The following ITIH5 variants were observed in gnomAD, a reference collection of about 807,000 sequenced individuals.
ITIH5 encodes the protein inter-alpha-trypsin inhibitor heavy chain H5.
In ITIH5, 65 loss-of-function variants were observed where a neutral mutation model predicts 77.5. That is an observed-to-expected ratio of 0.84 (90% confidence interval 0.69 to 1.03). The LOEUF (loss-of-function observed/expected upper bound fraction) is 1.03. Ranked by LOEUF, ITIH5 falls within the 50% of genes least tolerant of loss-of-function variation. The probability of loss-of-function intolerance (pLI) is 0.00; values close to 1 mark genes in which losing one functional copy is unlikely to be tolerated. For missense variants in ITIH5, 1,208 were observed against 1,213.1 expected (o/e 1.00, Z 0.06); for synonymous variants, 525 against 494.3 (o/e 1.06, Z -0.82).
At chr10:7,644,263 A>T (rs1002969381) in intron 2 of ITIH5, among the ~76,000 whole-genome samples, 1 of 150,310 alleles carries the variant, frequency 6.7e-6, no homozygotes, top group African/African-American at 2.4e-5. Context: ...ATATATATGT[A>T]CATATATGTG....
chr10:7,644,824 AT>A (rs1287048802), intron 2 of ITIH5, among the ~76,000 whole-genome samples: 2 of 101,180 alleles, frequency 2.0e-5, no homozygotes, highest in African/African-American at 8.0e-5. Context: ...TATATCATAT[AT>A]ATCACATATA....
chr10:7,590,088 A>G (rs1215263265), intron 7 of ITIH5, among the ~76,000 whole-genome samples: 15 of 151,818 alleles, frequency 9.9e-5, no homozygotes. Flanking sequence ...ATCCAGACCG[A>G]CCTGCCAACC....
rs1833896167 is a variant in ITIH5 at position 7,641,950 on chromosome 10, T to G, written c.276A>C (p.Ala92=). The change falls in exon 3 of 14, where the codon GCA becomes GCC. Residue 92 remains alanine, a synonymous_variant. Coordinates refer to ENST00000397146, the MANE Select transcript of ITIH5 (RefSeq NM_030569.7). The part of the protein sequence containing the change: ...DIEFQMQIPA[A]AFITNFTMLI... Reference sequence around the variant, plus strand: ...ACATAGTGAAGTTGGTGATGAAAGCTGCAGCTGGAATCTGCATCTGGAACT... The same window carrying G: ...ACATAGTGAAGTTGGTGATGAAAGCGGCAGCTGGAATCTGCATCTGGAACT... 13 of 1,614,166 alleles carry G rather than the reference T, an allele frequency of 8.1e-6. No homozygotes were observed. Among genetic ancestry groups the G allele is most frequent in the Non-Finnish European group, 1.0e-5 (12 of 1,180,002 alleles).
intron 7 of ITIH5, among the ~76,000 whole-genome samples, chr10:7,600,989 T>C (rs1311307829): frequency 6.6e-6 from 1 of 152,312 alleles, no homozygotes; most frequent in East Asian, 1.9e-4. Flanking sequence ...ACTCAGTCTA[T>C]GGCACATATA....
intron 9 of ITIH5, among the ~76,000 whole-genome samples, chr10:7,578,038 G>A (rs1832461096): frequency 6.6e-6 from 1 of 152,206 alleles, no homozygotes. Context: ...AATCCATGCT[G>A]GCTTTCTTTT....
At chr10:7,666,278 G>A (rs1352343713) in intron 1 of ITIH5, among the ~76,000 whole-genome samples, 1 of 152,088 alleles carries the variant, frequency 6.6e-6, no homozygotes, top group African/African-American at 2.4e-5. Context: ...GAACTCAGAC[G>A]CTTTGGCTCT....
intron 1 of ITIH5, among the ~76,000 whole-genome samples, chr10:7,665,647 C>T (rs1834349698): frequency 6.6e-6 from 1 of 152,202 alleles, no homozygotes; most frequent in South Asian, 2.1e-4. Context: ...GTGCTTAACA[C>T]AAATTAGCTG....
At chr10:7,647,193 A>C (rs975009319) in intron 2 of ITIH5, among the ~76,000 whole-genome samples, 7 of 152,178 alleles carry the variant, frequency 4.6e-5, no homozygotes, top group African/African-American at 7.2e-5. Context: ...CTGCTCTCTC[A>C]TTCATCTGTA....
intron 2 of ITIH5, among the ~76,000 whole-genome samples, chr10:7,651,822 C>T (rs967961656): frequency 2.0e-5 from 3 of 152,132 alleles, no homozygotes; most frequent in African/African-American, 7.2e-5. Flanking sequence ...ACACTGTCCT[C>T]TGCACCTTCT....
chr10:7,616,569 G>A (rs1033481369), intron 6 of ITIH5, among the ~76,000 whole-genome samples: 14 of 152,030 alleles, frequency 9.2e-5, no homozygotes, highest in South Asian at 4.2e-4. Flanking sequence ...GGCTCAGGCC[G>A]GTAATCCCAG....
chr10:7,653,843 C>T (rs552439750), intron 2 of ITIH5, among the ~76,000 whole-genome samples: 17 of 152,228 alleles, frequency 1.1e-4, no homozygotes, highest in Non-Finnish European at 2.2e-4. Flanking sequence ...CTGTAAAATG[C>T]CTCAAATAAT....
Position 7,564,915 on chromosome 10 carries a change from G to GTATA in ITIH5, c.2527+1111_2527+1114dup, listed in dbSNP as rs57027352. 3.8e-3 allele frequency among the ~76,000 whole-genome samples: 549 copies of GTATA among 144,710 alleles called. 3 individuals carry two copies. The highest frequency in any genetic ancestry group is 0.013 in the African/African-American group (528 of 39,154). 94.9% of individuals were successfully genotyped at this position (144,710 alleles called of 152,430 possible). On this transcript the variant is annotated intron_variant, in intron 13 of 13. Transcript: ENST00000397146. ...ATACATACATATACAGACTGTGTGT[G>GTATA]TATATATATATATATACACACACCA...
In ITIH5 at chr10:7,563,269, C is replaced by A; in HGVS notation, c.2643G>T (p.Val881=). Residue 881 remains valine (V), a synonymous_variant, in exon 14 of 14, where the codon GTG becomes GTT. Transcript: ENST00000397146. ...AGACCACTGGGACTTGGTGGCCTTT[C>A]ACTGTTAGGACGGCCTCAGGCCCCT... ...VGEGPEAVLT[V]KGHQVPVVWK... is the part of the protein sequence containing the mutation. 2 of 1,614,208 alleles carry A rather than the reference C, an allele frequency of 1.2e-6. No homozygotes were observed. Among genetic ancestry groups the A allele is most frequent in the Non-Finnish European group, 1.7e-6 (2 of 1,180,042 alleles).
At chr10:7,580,114 A>G in intron 8 of ITIH5, 50 bp from the exon 9 acceptor site, 1 of 1,415,412 alleles carries the variant, frequency 7.1e-7, no homozygotes, top group Non-Finnish European at 9.6e-7. Flanking sequence ...TCACCTCCGC[A>G]CTCTGATTGC....
Position 7,641,977 on chromosome 10 carries a change from A to G in ITIH5, c.249T>C (p.Ile83=). ...CAGCTGGAATCTGCATCTGGAACTC[A>G]ATGTCCTGGTCTTCAGAAGCTCTGT... ...MLNRASEDQD[I]EFQMQIPAAA... Residue 83 remains isoleucine, a synonymous_variant, in exon 3 of 14, where the codon ATT becomes ATC. Transcript: ENST00000397146. The G allele has an allele frequency of 6.2e-7, 1 of 1,614,138 alleles. No homozygotes were observed. The highest frequency in any genetic ancestry group is 1.7e-5 in the Admixed American group (1 of 60,026).
chr10:7,640,751 T>TA lies in ITIH5; in HGVS notation c.401+2dup. On this transcript the variant is annotated splice_region_variant and intron_variant, in intron 4 of 13. Transcript: ENST00000397146. ...TTTAATTCCTTAATTAACCAATACTTACCCATTTTCTTCTGTGGTTTTATT... is the reference window on the plus strand; with the variant it reads ...TTTAATTCCTTAATTAACCAATACTTAACCCATTTTCTTCTGTGGTTTTATT... 1 of 1,589,766 alleles carries TA rather than the reference T, an allele frequency of 6.3e-7. No individual in the cohort carries two copies. The highest frequency in any genetic ancestry group is 8.6e-7 in the Non-Finnish European group (1 of 1,158,076).
rs147748780 is a variant in ITIH5 at position 7,586,185 on chromosome 10, A to G, written c.940-116T>C. 1.1e-3 allele frequency: 929 copies of G among 874,390 alleles called. 10 individuals carry two copies. In the African/African-American group the frequency reaches 0.014, roughly 13 times the overall value. The allele number at this position is 874,390 out of a possible 1,614,324, so 54.2% of individuals were successfully genotyped here. A position where few individuals can be genotyped will look rare whatever the true frequency, so the allele number is the denominator to read the frequency against. On this transcript the variant is annotated intron_variant, in intron 7 of 13. Coordinates refer to ENST00000397146, the MANE Select transcript of ITIH5 (RefSeq NM_030569.7). ...AATGTCAGGGTTCAAATTCAGTGTC[A>G]GCTATGTAAAGGGCACTTGGCTGAA...
At chr10:7,565,642 CTGTA>C (rs887612700) in intron 13 of ITIH5, among the ~76,000 whole-genome samples, 8 of 148,152 alleles carry the variant, frequency 5.4e-5, no homozygotes, top group African/African-American at 2.0e-4. Context: ...TATGTATAGA[CTGTA>C]TATATATACA....
At position 7,661,631 on chromosome 10, in the gene ITIH5, T is replaced by C. The variant is rs567106221; in HGVS notation, c.90+5172A>G. On this transcript the variant is annotated intron_variant, in intron 1 of 13. Transcript: ENST00000397146. ...TTAATCATTTGCAATTTGGGATGCC[T>C]ATCACCTTGGTAATGGAAGAAGAAA... Among the ~76,000 whole-genome samples, 6 of 152,374 alleles carry C rather than the reference T, an allele frequency of 3.9e-5. No homozygotes were observed. The South Asian group carries it at 1.2e-3, about 32-fold the overall frequency.
Sources: gnomAD v4.1 joint callset for allele counts (sites outside exome capture counted in the v4.1 genomes callset) on GRCh38, gnomAD v4.1.1 for gene constraint, MANE v1.5 for transcripts, NCBI Gene and HGNC (gene_info 2026-07-23, HGNC 2026-07-21) for gene names.